The following ZDHHC3 variants were observed in gnomAD, a reference collection of about 807,000 sequenced individuals.
ZDHHC3 encodes zDHHC palmitoyltransferase 3, also known as palmitoyltransferase ZDHHC3.
ZDHHC3 carries 9 observed loss-of-function variants against 30.6 expected under a neutral mutation model. The observed-to-expected ratio is 0.29, with a 90% CI of 0.18 to 0.51. ZDHHC3 has a LOEUF of 0.51. ZDHHC3 is among the 20% of genes least tolerant of loss of function. The pLI is 0.97. For synonymous variants in ZDHHC3, 136 were observed against 140.2 expected (o/e 0.97, Z 0.21); for missense variants, 246 against 384.2 (o/e 0.64, Z 3.01).
chr3:44,943,959 G>C (rs1186941136), intron 3 of ZDHHC3, among the ~76,000 whole-genome samples: 1 of 152,106 alleles, frequency 6.6e-6, no homozygotes, highest in Non-Finnish European at 1.5e-5. Flanking sequence ...GACAGAGTGA[G>C]ACCCAGTCTC....
At position 44,925,037 on chromosome 3, in the gene ZDHHC3, C is replaced by CA. The variant is rs557839604; in HGVS notation, c.*1651dup. The stretch of plus-strand genomic sequence containing the variant: ...GAGGGACCATAAATGCATTTTAAAA[C>CA]AAAAAAAATAAAGTATCCTCATTCA... On this transcript the variant is annotated 3_prime_UTR_variant, in exon 7 of 7. Coordinates refer to ENST00000424952, the MANE Select transcript of ZDHHC3 (RefSeq NM_001135179.2). The CA allele has an allele frequency of 2.5e-5, 25 of 985,088 alleles. No individual in the cohort carries two copies. Among genetic ancestry groups the CA allele is most frequent in the African/African-American group, 3.5e-5 (2 of 57,210 alleles). The allele number at this position is 985,088 out of a possible 1,614,324, so 61.0% of individuals were successfully genotyped here.
chr3:44,941,616 C>A (rs532654768), intron 3 of ZDHHC3, among the ~76,000 whole-genome samples: 1 of 152,150 alleles, frequency 6.6e-6, no homozygotes, highest in East Asian at 1.9e-4. Flanking sequence ...GGGGGGCTGC[C>A]AAAGTCAGAG....
At chr3:44,962,495 A>AGAAGGAAG (rs60365987) in intron 1 of ZDHHC3, among the ~76,000 whole-genome samples, 26,536 of 111,940 alleles carry the variant, frequency 0.24, 3,841 homozygotes, top group East Asian at 0.38. Context: ...AAAGGGAGAG[A>AGAAGGAAG]GAAGGAAGGA....
rs527379116 is a variant in ZDHHC3, at chr3:44,964,362, G to A, written c.-24-4902C>T. ...ATACTGCTTACAAAAAGGCAAGGGG[G>A]GCCGGGTGGGCCTGGCAGGAAAATT... is the stretch of plus-strand genomic sequence containing the variant. On this transcript the variant is annotated intron_variant, in intron 1 of 6. Coordinates refer to ENST00000424952, the MANE Select transcript of ZDHHC3 (RefSeq NM_001135179.2). Among the ~76,000 whole-genome samples, 15 of 152,302 alleles carry A rather than the reference G, an allele frequency of 9.8e-5. No individual in the cohort carries two copies. In the South Asian group the frequency reaches 3.1e-3, roughly 32 times the overall value.
chr3:44,929,772 TGAC>T (rs1392360919), intron 5 of ZDHHC3, among the ~76,000 whole-genome samples: 1 of 152,190 alleles, frequency 6.6e-6, no homozygotes, highest in African/African-American at 2.4e-5. Flanking sequence ...CATGAACGCC[TGAC>T]GACACCACAG....
rs1388703999 is a variant in ZDHHC3 at position 44,918,376 on chromosome 3, G to C, written c.*8313C>G. The C allele has an allele frequency of 2.0e-6, 2 of 985,240 alleles. No individual in the cohort carries two copies. The highest frequency in any genetic ancestry group is 3.5e-5 in the African/African-American group (2 of 57,214). 61.0% of individuals were successfully genotyped at this position (985,240 alleles called of 1,614,324 possible). A position where few individuals can be genotyped will look rare whatever the true frequency, so the allele number is the denominator to read the frequency against. On this transcript the variant is annotated 3_prime_UTR_variant, in exon 7 of 7. Transcript: ENST00000424952. ...GCAGCGTGGAGGAACACAGCAAGCA[G>C]GGCCCGCCTGGTGGACTGACGTGTT...
chr3:44,965,302 T>A (rs1011835751), intron 1 of ZDHHC3, among the ~76,000 whole-genome samples: 10 of 152,182 alleles, frequency 6.6e-5, no homozygotes, highest in Non-Finnish European at 1.5e-4. Context: ...TAACCCACAC[T>A]GACAGACACA....
intron 3 of ZDHHC3, among the ~76,000 whole-genome samples, chr3:44,935,495 C>T (rs1037672550): frequency 4.6e-5 from 7 of 152,164 alleles, no homozygotes; most frequent in African/African-American, 9.7e-5. Context: ...CTCCTGAGCT[C>T]GAGCAATCCA....
intron 1 of ZDHHC3, among the ~76,000 whole-genome samples, chr3:44,971,494 G>T (rs1277093219): frequency 6.6e-6 from 1 of 152,186 alleles, no homozygotes; most frequent in Non-Finnish European, 1.5e-5. Flanking sequence ...AAACAGGAAG[G>T]AACTAAAGGC....
At chr3:44,940,191 G>A (rs986826736) in intron 3 of ZDHHC3, among the ~76,000 whole-genome samples, 1 of 152,154 alleles carries the variant, frequency 6.6e-6, no homozygotes, top group African/African-American at 2.4e-5. Context: ...GACTCCCAAA[G>A]GGAATCAATC....
At chr3:44,975,307 G>T (rs1705815386) in intron 1 of ZDHHC3, 1 of 152,186 alleles carries the variant, frequency 6.6e-6, no homozygotes, top group Non-Finnish European at 1.5e-5. Context: ...CATCGCAAGG[G>T]GTTGGGGTTG....
chr3:44,975,762 TCTCTCTCTCTCA>T (rs1311886707), intron 1 of ZDHHC3, among the ~76,000 whole-genome samples, 159 bp downstream of exon 1: 11 of 145,420 alleles, frequency 7.6e-5, no homozygotes, highest in African/African-American at 2.7e-4. Flanking sequence ...TCTCTCTCTC[TCTCTCTCTCTCA>T]CACACACACA....
At chr3:44,943,674 C>T (rs1702644673) in intron 3 of ZDHHC3, among the ~76,000 whole-genome samples, 1 of 152,182 alleles carries the variant, frequency 6.6e-6, no homozygotes, top group South Asian at 2.1e-4. Context: ...AAAAGGGGAC[C>T]AAGTGATATT....
At chr3:44,967,792 T>C (rs760393630) in intron 1 of ZDHHC3, among the ~76,000 whole-genome samples, 1 of 152,210 alleles carries the variant, frequency 6.6e-6, no homozygotes, top group Non-Finnish European at 1.5e-5. Context: ...TTAGTCAAAT[T>C]TTCCTGTTTT....
chr3:44,949,301 T>TTA (rs963621217), intron 2 of ZDHHC3, among the ~76,000 whole-genome samples: 9 of 152,194 alleles, frequency 5.9e-5, no homozygotes, highest in Non-Finnish European at 1.2e-4. Flanking sequence ...ATAACAGATT[T>TTA]TATATACATA....
In ZDHHC3 at chr3:44,921,394, AGAG is replaced by A; in HGVS notation, c.*5292_*5294del. On this transcript the variant is annotated 3_prime_UTR_variant, in exon 7 of 7. Transcript: ENST00000424952. ...CCAGATAACACTGTCTCTCCTCATC[AGAG>A]ATTTCATACCTCTATATTGTAACCC... 1 of 985,446 alleles carries A rather than the reference AGAG, an allele frequency of 1.0e-6. No individual in the cohort carries two copies. Among genetic ancestry groups the A allele is most frequent in the Non-Finnish European group, 1.2e-6 (1 of 829,932 alleles). 61.0% of individuals were successfully genotyped at this position (985,446 alleles called of 1,614,324 possible). A position where few individuals can be genotyped will look rare whatever the true frequency, so the allele number is the denominator to read the frequency against.
chr3:44,955,149 G>A (rs1703819703), intron 2 of ZDHHC3, among the ~76,000 whole-genome samples: 1 of 152,198 alleles, frequency 6.6e-6, no homozygotes, highest in African/African-American at 2.4e-5. Flanking sequence ...TGCCTGTCAA[G>A]TGAGGCACCT....
Position 44,921,313 on chromosome 3 carries a change from G to A in ZDHHC3, c.*5376C>T, listed in dbSNP as rs999718663. ...TTCCCTGCTCCCTGTATCATCAGATGTAGAAAGCCAGAGCCTCAGGGAGCA... is the reference window on the plus strand; with the variant it reads ...TTCCCTGCTCCCTGTATCATCAGATATAGAAAGCCAGAGCCTCAGGGAGCA... On this transcript the variant is annotated 3_prime_UTR_variant, in exon 7 of 7. Coordinates refer to ENST00000424952, the MANE Select transcript of ZDHHC3 (RefSeq NM_001135179.2). 17 of 985,288 alleles carry A rather than the reference G, an allele frequency of 1.7e-5. No homozygotes were observed. The African/African-American group carries it at 1.9e-4, about 11-fold the overall frequency. 61.0% of individuals were successfully genotyped at this position (985,288 alleles called of 1,614,324 possible).
At chr3:44,950,462 G>C (rs972050784) in intron 2 of ZDHHC3, among the ~76,000 whole-genome samples, 4 of 152,158 alleles carry the variant, frequency 2.6e-5, no homozygotes, top group South Asian at 2.1e-4. Context: ...TTCTCATTAC[G>C]GCCTATTTAT....
Sources: gnomAD v4.1 joint callset for allele counts (sites outside exome capture counted in the v4.1 genomes callset) on GRCh38, gnomAD v4.1.1 for gene constraint, MANE v1.5 for transcripts, NCBI Gene and HGNC (gene_info 2026-07-23, HGNC 2026-07-21) for gene names.